The following TPPP2 variants were observed in gnomAD, a reference collection of about 807,000 sequenced individuals.
TPPP2 encodes tubulin polymerization-promoting protein family member 2.
A neutral mutation model predicts 13.0 loss-of-function variants in TPPP2; 8 were observed. The ratio of observed to expected loss-of-function variants is 0.62; its 90% confidence interval spans 0.36 to 1.11. TPPP2 has a LOEUF of 1.11. Among genes scored for constraint, TPPP2 ranks in the 50% most tolerant of loss-of-function variants. The pLI is 0.02. For missense variants in TPPP2, 213 were observed against 216.9 expected (o/e 0.98, Z 0.11); for synonymous variants, 81 against 81.8 (o/e 0.99, Z 0.05).
downstream of TPPP2, chr14:21,034,375 C>A: frequency 1.1e-6 from 1 of 923,210 alleles, no homozygotes. Flanking sequence ...CCAGCATTCC[C>A]AACCCAACAG....
Position 21,031,044 on chromosome 14 carries a change from A to G in TPPP2, c.206A>G (p.Gln69Arg). 6.2e-7 allele frequency: 1 copy of G among 1,613,636 alleles called. No individual in the cohort carries two copies. The highest frequency in any genetic ancestry group is 1.3e-5 in the African/African-American group (1 of 75,018). The change falls in exon 3 of 4, where the codon CAG (glutamine) becomes CGG (arginine). Residue 69 changes from glutamine to arginine, a missense_variant. Gln to Arg is a conservative substitution (Grantham distance 43). Transcript: ENST00000321760. ...AKNARTITFQ[Q>R]FKEAVKELGQ... Reference sequence around the variant, plus strand: ...AACGCCCGAACCATCACGTTTCAACAGTTCAAAGAGGCAGTGAAGGAACTG... The same window carrying G: ...AACGCCCGAACCATCACGTTTCAACGGTTCAAAGAGGCAGTGAAGGAACTG...
chr14:21,036,313 C>T (rs1256045392), downstream of TPPP2: 3 of 455,158 alleles, frequency 6.6e-6, no homozygotes, highest in South Asian at 4.7e-5. Flanking sequence ...TAAAAGTCTG[C>T]AATAGCTTGT....
chr14:21,033,837 C>T (rs778629862), downstream of TPPP2: 7 of 1,611,724 alleles, frequency 4.3e-6, no homozygotes, highest in Admixed American at 1.2e-4. Context: ...CGAATAGAGA[C>T]CAGCGATACC....
chr14:21,035,175 G>A (rs529092973), downstream of TPPP2, among the ~76,000 whole-genome samples: 9 of 152,180 alleles, frequency 5.9e-5, no homozygotes, highest in Admixed American at 6.5e-5. Context: ...GACTCCCCAC[G>A]GTCCCTATCA....
At chr14:21,035,163 T>G (rs1369018322), downstream of TPPP2, among the ~76,000 whole-genome samples, 1 of 152,198 alleles carries the variant, frequency 6.6e-6, no homozygotes, top group Admixed American at 6.5e-5. Context: ...GACCTCCATG[T>G]GGACTCCCCA....
At chr14:21,034,663 T>G, downstream of TPPP2, 3 of 199,560 alleles carry the variant, frequency 1.5e-5, no homozygotes, top group East Asian at 1.2e-4. Flanking sequence ...GACCTGACAA[T>G]TCTCTGGCAG....
At chr14:21,025,705 C>T (rs1883498581), upstream of TPPP2, 1 of 983,362 alleles carries the variant, frequency 1.0e-6, no homozygotes. This position sits in a 1 kb window ranked among gnomAD's most constrained non-coding sequence, Gnocchi z 5.1. Flanking sequence ...GTCCCGACGC[C>T]TGCTCTCCGG....
upstream of TPPP2, chr14:21,025,758 C>T: frequency 2.1e-5 from 2 of 96,980 alleles, no homozygotes; most frequent in South Asian, 4.2e-4. The surrounding 1 kb of genome is among the most constrained non-coding windows in gnomAD (Gnocchi z 5.1). Context: ...GAGGTGGGGG[C>T]GGGGAATGCG....
At chr14:21,028,914 G>C (rs1256111200), upstream of TPPP2, 2 of 152,148 alleles carry the variant, frequency 1.3e-5, no homozygotes, top group African/African-American at 4.8e-5. Flanking sequence ...AAGGAGGAAA[G>C]TCACCAGTCT....
upstream of TPPP2, chr14:21,030,195 C>T (rs910437449): frequency 1.7e-4 from 31 of 186,730 alleles, no homozygotes; most frequent in Non-Finnish European, 3.0e-4. Flanking sequence ...TAGAATCTTC[C>T]CTCTCCTCCC....
At chr14:21,033,831 T>C, downstream of TPPP2, 12 of 1,610,286 alleles carry the variant, frequency 7.5e-6, no homozygotes, top group Non-Finnish European at 1.0e-5. Flanking sequence ...AATTCCCGAA[T>C]AGAGACCAGC....
chr14:21,031,816 T>C, intron 3 of TPPP2, 76 bp from the exon 4 acceptor site: 1 of 1,496,982 alleles, frequency 6.7e-7, no homozygotes. Flanking sequence ...GTTCTAAGTA[T>C]CTCGGGCCAT....
chr14:21,033,721 C>T (rs1365487333), downstream of TPPP2: 3 of 903,222 alleles, frequency 3.3e-6, no homozygotes, highest in African/African-American at 4.9e-5. Context: ...CCCTGCCTGC[C>T]TCGTAAGTCA....
intron 2 of TPPP2, 104 bp downstream of exon 2, chr14:21,030,858 C>T: frequency 6.6e-7 from 1 of 1,512,956 alleles, no homozygotes; most frequent in South Asian, 1.3e-5. Flanking sequence ...CTACCAAGCA[C>T]CACAGGGTAC....
upstream of TPPP2, chr14:21,025,637 C>A: frequency 1.0e-6 from 1 of 985,384 alleles, no homozygotes; most frequent in Non-Finnish European, 1.2e-6. The surrounding 1 kb of genome is among the most constrained non-coding windows in gnomAD (Gnocchi z 5.1). Context: ...ACGTCGAGGG[C>A]GCAGGAGTTC....
chr14:21,031,905 T>C lies in TPPP2; in HGVS notation c.341T>C (p.Val114Ala). Reference protein sequence around the residue: ...ATTGATKATTVGAVDRLTDTS... With the variant: ...ATTGATKATTAGAVDRLTDTS... ...CCTGGCTTGCAGAAAGCAACAACAGTGGGTGCAGTGGACCGTTTGACAGAC... is the reference window on the plus strand; with the variant it reads ...CCTGGCTTGCAGAAAGCAACAACAGCGGGTGCAGTGGACCGTTTGACAGAC... Residue 114 changes from valine to alanine, a missense_variant, in exon 4 of 4, where the codon GTG becomes GCG. Transcript: ENST00000321760. 6.2e-7 allele frequency: 1 copy of C among 1,613,410 alleles called. No homozygotes were observed. The highest frequency in any genetic ancestry group is 8.5e-7 in the Non-Finnish European group (1 of 1,179,546).
chr14:21,025,018 C>T lies in TPPP2; in HGVS notation n.236+674C>T, dbSNP rs1566477569. ...CAGGCCCTACGGCCCCTCGCCTGCC[C>T]CTCCCCCTACCTGCTGCCGCCGCGG... On this transcript the variant is annotated intron_variant and non_coding_transcript_variant, in intron 1 of 1. Transcript: ENST00000533755. The surrounding 1 kb of genome is among the most constrained non-coding windows in gnomAD (Gnocchi z 5.1). The T allele has an allele frequency of 5.1e-6, 5 of 985,984 alleles. No homozygotes were observed. Among genetic ancestry groups the T allele is most frequent in the Non-Finnish European group, 6.0e-6 (5 of 830,404 alleles). 61.1% of individuals were successfully genotyped at this position (985,984 alleles called of 1,614,324 possible).
chr14:21,033,960 G>C (rs774419472), downstream of TPPP2: 5 of 1,613,936 alleles, frequency 3.1e-6, no homozygotes, highest in Non-Finnish European at 3.4e-6. Flanking sequence ...GGAGCAGACC[G>C]TGATGGGGAG....
At chr14:21,032,819 G>A (rs956141285), downstream of TPPP2, 9 of 402,436 alleles carry the variant, frequency 2.2e-5, no homozygotes, top group South Asian at 9.2e-5. Context: ...AGAGTCAGAT[G>A]TGTGTTATTA....
Sources: gnomAD v4.1 joint callset for allele counts (sites outside exome capture counted in the v4.1 genomes callset) on GRCh38, gnomAD v4.1.1 for gene constraint, Gnocchi (gnomAD v3.1) non-coding constraint, MANE v1.5 for transcripts, NCBI Gene and HGNC (gene_info 2026-07-23, HGNC 2026-07-21) for gene names.